The following PTGS1 variants were observed in gnomAD, a reference collection of about 807,000 sequenced individuals.
The protein encoded by PTGS1 is prostaglandin G/H synthase 1.
PTGS1 carries 40 observed loss-of-function variants against 63.0 expected under a neutral mutation model. The ratio of observed to expected loss-of-function variants is 0.63; its 90% confidence interval spans 0.49 to 0.83. PTGS1 has a LOEUF of 0.83. PTGS1 is among the 40% of genes least tolerant of loss of function. The probability of loss-of-function intolerance (pLI) is 0.00; values close to 1 mark genes in which losing one functional copy is unlikely to be tolerated. For missense variants in PTGS1, 709 were observed against 786.5 expected, an observed-to-expected ratio of 0.90 and a Z score of 1.18; for synonymous variants, 298 against 301.9, an observed-to-expected ratio of 0.99 and a Z score of 0.13.
At chr9:122,387,250 T>G (rs1238850403) in intron 9 of PTGS1, among the ~76,000 whole-genome samples, 1 of 151,882 alleles carries the variant, frequency 6.6e-6, no homozygotes, top group African/African-American at 2.4e-5. Context: ...AGGGGATGGC[T>G]GTGTTCCAGA....
chr9:122,377,708 G>A (rs1347835474), intron 2 of PTGS1, among the ~76,000 whole-genome samples, 191 bp from the exon 3 acceptor site: 1 of 152,198 alleles, frequency 6.6e-6, no homozygotes, highest in Non-Finnish European at 1.5e-5. Flanking sequence ...ATGTCAGGAT[G>A]GGTGGTTTAT....
Position 122,383,825 on chromosome 9 carries a change from G to A in PTGS1, c.1009+70G>A, listed in dbSNP as rs1315780635. On this transcript the variant is annotated intron_variant, in intron 8 of 10. Transcript: ENST00000362012. ...ATCCTGAGAAGTTGGGGGCGGGGGG[G>A]TACTTAGAGGTGGAGGCTGGGATTA... 17 of 1,560,458 alleles carry A rather than the reference G, an allele frequency of 1.1e-5. No individual in the cohort carries two copies. In the South Asian group the frequency reaches 1.4e-4, roughly 13 times the overall value.
chr9:122,389,374 C>T (rs2119181596), intron 9 of PTGS1, among the ~76,000 whole-genome samples: 1 of 152,190 alleles, frequency 6.6e-6, no homozygotes, highest in African/African-American at 2.4e-5. Flanking sequence ...TGGTCTTGAA[C>T]TCCTGGCCTC....
intron 2 of PTGS1, chr9:122,371,498 G>A: frequency 7.8e-7 from 1 of 1,285,516 alleles, no homozygotes; most frequent in Non-Finnish European, 1.0e-6. Flanking sequence ...ACAGCAGACT[G>A]GGATCTGGTG....
rs1185228717 is a variant in PTGS1 at position 122,395,006 on chromosome 9, T to C, written c.*2462T>C. On this transcript the variant is annotated 3_prime_UTR_variant, in exon 11 of 11. Coordinates refer to ENST00000362012, the MANE Select transcript of PTGS1 (RefSeq NM_000962.4). ...ATCAGTGAAGATGCAATCAGACAAG[T>C]GTTTTGGAAAGAGCACCCTCGAGAA... is the stretch of plus-strand genomic sequence containing the variant. 6.6e-5 allele frequency: 10 copies of C among 151,668 alleles called. No homozygotes were observed. The highest frequency in any genetic ancestry group is 1.3e-4 in the Non-Finnish European group (9 of 67,994). The allele number at this position is 151,668 out of a possible 1,614,324, so 9.4% of individuals were successfully genotyped here.
rs775992445 is a variant in PTGS1, at chr9:122,390,150, A to G, written c.1297-48A>G. 7.5e-6 allele frequency: 12 copies of G among 1,591,182 alleles called. No individual in the cohort carries two copies. In the Admixed American group the frequency reaches 1.0e-4, roughly 14 times the overall value. On this transcript the variant is annotated intron_variant, in intron 9 of 10. Transcript: ENST00000362012. ...CCCAGGAACTTACCCAGGCTCCAGG[A>G]CAGCCTGGCCTGGCTCCCAGACCAC...
chr9:122,377,628 G>A (rs377342164), intron 2 of PTGS1, among the ~76,000 whole-genome samples: 1 of 152,266 alleles, frequency 6.6e-6, no homozygotes, highest in South Asian at 2.1e-4. Context: ...GGTGGCAATA[G>A]GGAGGGAGGG....
At position 122,392,725 on chromosome 9, in the gene PTGS1, C is replaced by T. The variant is rs1838365577; in HGVS notation, c.*181C>T. On this transcript the variant is annotated 3_prime_UTR_variant, in exon 11 of 11. Coordinates refer to ENST00000362012, the MANE Select transcript of PTGS1 (RefSeq NM_000962.4). ...AATATTGTGATTCTGTTTATTCTTC[C>T]AGAATGCTGAACTCCTTGTTAGCCC... 1.7e-6 allele frequency: 1 copy of T among 591,868 alleles called. No homozygotes were observed. The highest frequency in any genetic ancestry group is 2.5e-5 in the South Asian group (1 of 39,834). The allele number at this position is 591,868 out of a possible 1,614,324, so 36.7% of individuals were successfully genotyped here.
chr9:122,376,940 C>T (rs1206886594), intron 2 of PTGS1, among the ~76,000 whole-genome samples: 1 of 152,084 alleles, frequency 6.6e-6, no homozygotes, highest in African/African-American at 2.4e-5. Context: ...GGGTTAGATG[C>T]CAAGAGGGAT....
rs1199607496 is a variant in PTGS1 at position 122,386,730 on chromosome 9, C to T, written c.1294C>T (p.Arg432Trp). 8 of 1,613,784 alleles carry T rather than the reference C, an allele frequency of 5.0e-6. No individual in the cohort carries two copies. The highest frequency in any genetic ancestry group is 6.8e-6 in the Non-Finnish European group (8 of 1,179,904). The change falls in exon 9 of 11, where the codon CGG becomes TGG. Residue 432 changes from arginine to tryptophan, a missense_variant and splice_region_variant. Transcript: ENST00000362012. ...VDAFSRQIAGRIGGGRNMDHH... is the reference protein window; with the variant it reads ...VDAFSRQIAGWIGGGRNMDHH... ...TGCCTTCTCTCGCCAGATTGCTGGC[C>T]GGGTAAGCCCCAGAGGAGTGCTGGT...
In PTGS1 at chr9:122,377,796, G is replaced by A. The variant is rs745949312; in HGVS notation, c.95-103G>A. On this transcript the variant is annotated intron_variant, in intron 2 of 10. Coordinates refer to ENST00000362012, the MANE Select transcript of PTGS1 (RefSeq NM_000962.4). The stretch of plus-strand genomic sequence containing the variant: ...ACCCAGTGATTCAGGACGGAGCTGC[G>A]ACTTAAGTCCATGCCTCTGGCCCCT... 1.1e-4 allele frequency: 112 copies of A among 1,039,058 alleles called. 1 individual carries two copies. The highest frequency in any genetic ancestry group is 8.7e-4 in the South Asian group (63 of 72,296). 64.4% of individuals were successfully genotyped at this position (1,039,058 alleles called of 1,614,324 possible). A position where few individuals can be genotyped will look rare whatever the true frequency, so the allele number is the denominator to read the frequency against.
intron 3 of PTGS1, 147 bp from the exon 4 acceptor site, chr9:122,378,286 T>C: frequency 8.6e-7 from 1 of 1,160,850 alleles, no homozygotes; most frequent in Non-Finnish European, 1.2e-6. Context: ...CATGTGTCAT[T>C]GCTCCCAAGG....
At chr9:122,376,581 G>T (rs1837179082) in intron 2 of PTGS1, among the ~76,000 whole-genome samples, 1 of 152,120 alleles carries the variant, frequency 6.6e-6, no homozygotes, top group South Asian at 2.1e-4. Context: ...AGCTGCTCTG[G>T]CCTTTCACTA....
At position 122,378,498 on chromosome 9, in the gene PTGS1, A is replaced by G. The variant is rs1435665295; in HGVS notation, c.277A>G (p.Thr93Ala). Residue 93 changes from threonine (T) to alanine (A), a missense_variant, in exon 4 of 11, where the codon ACT (threonine) becomes GCT (alanine). Physicochemically the swap from Thr to Ala is moderately conservative, Grantham distance 58 (BLOSUM62 0). Transcript: ENST00000362012. ...PSPSFTHFLLTHGRWFWEFVN... is the reference protein window; with the variant it reads ...PSPSFTHFLLAHGRWFWEFVN... ...CCCCTCTTTCACCCACTTCCTGCTC[A>G]CTCACGGGCGCTGGTTCTGGGAGTT... 2 of 1,614,042 alleles carry G rather than the reference A, an allele frequency of 1.2e-6. No individual in the cohort carries two copies. The highest frequency in any genetic ancestry group is 1.7e-5 in the Admixed American group (1 of 60,022).
chr9:122,371,306 C>A, intron 2 of PTGS1, 34 bp downstream of exon 2: 2 of 1,600,118 alleles, frequency 1.2e-6, no homozygotes, highest in Non-Finnish European at 1.7e-6. Flanking sequence ...AGGGAATCCC[C>A]GGTCTTGCGC....
At chr9:122,374,484 G>T (rs1316743505) in intron 2 of PTGS1, among the ~76,000 whole-genome samples, 1 of 152,172 alleles carries the variant, frequency 6.6e-6, no homozygotes, top group Non-Finnish European at 1.5e-5. Flanking sequence ...CAACTACTTG[G>T]TGCCTGGCCC....
intron 2 of PTGS1, 102 bp from the exon 3 acceptor site, chr9:122,377,797 A>G: frequency 9.5e-7 from 1 of 1,049,424 alleles, no homozygotes; most frequent in Non-Finnish European, 1.5e-6. Context: ...CGGAGCTGCG[A>G]CTTAAGTCCA....
At chr9:122,377,807 A>T in intron 2 of PTGS1, 92 bp from the exon 3 acceptor site, 1 of 1,162,166 alleles carries the variant, frequency 8.6e-7, no homozygotes, top group Non-Finnish European at 1.3e-6. Context: ...ACTTAAGTCC[A>T]TGCCTCTGGC....
At chr9:122,381,179 T>C (rs568977859) in intron 5 of PTGS1, among the ~76,000 whole-genome samples, 192 bp from the exon 6 acceptor site, 123 of 152,330 alleles carry the variant, frequency 8.1e-4, no homozygotes, top group African/African-American at 2.5e-3. Flanking sequence ...CTAAAAATCA[T>C]GCCACTTCAC....
Sources: allele counts gnomAD v4.1 joint callset (sites outside exome capture counted in the v4.1 genomes callset), GRCh38; gene constraint gnomAD v4.1.1; transcripts MANE v1.5; gene names NCBI Gene and HGNC (gene_info 2026-07-23, HGNC 2026-07-21).